CAMK1D: variants seen among roughly 807,000 people sequenced by gnomAD.
CAMK1D encodes calcium/calmodulin-dependent protein kinase type 1D.
In CAMK1D, 9 loss-of-function variants were observed where a neutral mutation model predicts 47.7. The ratio of observed to expected loss-of-function variants is 0.19; its 90% CI spans 0.11 to 0.33. CAMK1D has a LOEUF of 0.33. CAMK1D is among the 10% of genes least tolerant of loss of function. The pLI, the probability that CAMK1D is intolerant of heterozygous loss-of-function variation, is 1.00. For synonymous variants in CAMK1D, 184 were observed against 184.9 expected, an observed-to-expected ratio of 0.99 and a Z score of 0.04; for missense variants, 291 against 488.7, an observed-to-expected ratio of 0.60 and a Z score of 3.81.
intron 1 of CAMK1D, among the ~76,000 whole-genome samples, chr10:12,525,698 C>CTAT (rs1291226882): frequency 6.6e-6 from 1 of 151,978 alleles, no homozygotes; most frequent in Admixed American, 6.6e-5. Flanking sequence ...GGGTTGGCAT[C>CTAT]TATTGATTGT....
At chr10:12,682,362 A>G (rs1019837861) in intron 3 of CAMK1D, among the ~76,000 whole-genome samples, 5 of 152,254 alleles carry the variant, frequency 3.3e-5, no homozygotes, top group Non-Finnish European at 5.9e-5. Context: ...GAAAAGGCTG[A>G]TTATTTTGCA....
At chr10:12,757,186 A>G (rs1311777960) in intron 3 of CAMK1D, among the ~76,000 whole-genome samples, 1 of 152,018 alleles carries the variant, frequency 6.6e-6, no homozygotes, top group Non-Finnish European at 1.5e-5. Flanking sequence ...ACTGGAGTGC[A>G]GTGGTGCGAT....
chr10:12,439,020 C>T (rs1486391149), intron 1 of CAMK1D, among the ~76,000 whole-genome samples: 4 of 152,170 alleles, frequency 2.6e-5, no homozygotes, highest in African/African-American at 9.7e-5. Flanking sequence ...CTGTCTCTTC[C>T]TCTCCTGTTT....
intron 1 of CAMK1D, among the ~76,000 whole-genome samples, chr10:12,462,164 T>G (rs1407785300): frequency 1.4e-4 from 20 of 142,796 alleles, no homozygotes; most frequent in Non-Finnish European, 2.3e-4. Flanking sequence ...GAGTTTTTTT[T>G]TTTTTTTTTT....
intron 1 of CAMK1D, among the ~76,000 whole-genome samples, chr10:12,471,077 C>T (rs1041112692): frequency 2.6e-5 from 4 of 152,172 alleles, no homozygotes; most frequent in Non-Finnish European, 4.4e-5. Flanking sequence ...TTATTTTCCT[C>T]CATGCTTTTT....
intron 1 of CAMK1D, among the ~76,000 whole-genome samples, chr10:12,404,721 G>GTC (rs1017066876): frequency 3.3e-5 from 5 of 150,186 alleles, no homozygotes; most frequent in Non-Finnish European, 7.4e-5. Flanking sequence ...TTGAGATGGA[G>GTC]TCTCACTCTG....
At chr10:12,544,903 A>ACTAGTGTTGAGCGGAAGGTC (rs1402645253) in intron 1 of CAMK1D, among the ~76,000 whole-genome samples, 1 of 152,066 alleles carries the variant, frequency 6.6e-6, no homozygotes, top group Non-Finnish European at 1.5e-5. Context: ...AGTGGATGGT[A>ACTAGTGTTGAGCGGAAGGTC]CTAGTGTTGA....
intron 1 of CAMK1D, among the ~76,000 whole-genome samples, chr10:12,513,126 C>G (rs2132167838): frequency 6.6e-6 from 1 of 152,284 alleles, no homozygotes; most frequent in South Asian, 2.1e-4. Flanking sequence ...CTGCAGCTGC[C>G]TAGCCAGGTG....
rs540036424 is a variant in CAMK1D at position 12,365,689 on chromosome 10, C to T, written c.92+15779C>T. ...TGCTGACCTCGTGATCTGCCTGCCT[C>T]GGCCTCCCAAAGTGCTGGGATTACA... On this transcript the variant is annotated intron_variant, in intron 1 of 10. Transcript: ENST00000619168. Among the ~76,000 whole-genome samples, 25 of 151,762 alleles carry T rather than the reference C, an allele frequency of 1.6e-4. No homozygotes were observed. The East Asian group carries it at 3.4e-3, about 20-fold the overall frequency.
rs1290638257 is a variant in CAMK1D, at chr10:12,554,463, C to T, written c.224+1107C>T. 5.4e-5 allele frequency among the ~76,000 whole-genome samples: 7 copies of T among 130,540 alleles called. 2 individuals carry two copies. Among genetic ancestry groups the T allele is most frequent in the African/African-American group, 1.8e-4 (7 of 39,132 alleles). 85.6% of individuals were successfully genotyped at this position (130,540 alleles called of 152,430 possible). A position where few individuals can be genotyped will look rare whatever the true frequency, so the allele number is the denominator to read the frequency against. On this transcript the variant is annotated intron_variant, in intron 2 of 10. Transcript: ENST00000619168. ...AGCCACTGCGCCTGGCCAAGATTTT[C>T]ATTTATTTCTATTACACATGGGGAG... is the stretch of plus-strand genomic sequence containing the variant.
chr10:12,552,272 CA>C (rs1588624738), intron 1 of CAMK1D, among the ~76,000 whole-genome samples: 2 of 152,206 alleles, frequency 1.3e-5, no homozygotes, highest in East Asian at 3.8e-4. Flanking sequence ...TATTTTCAGG[CA>C]GGACAGTCTT....
intron 1 of CAMK1D, among the ~76,000 whole-genome samples, chr10:12,445,764 T>C (rs956527273): frequency 6.6e-6 from 1 of 152,226 alleles, no homozygotes; most frequent in Non-Finnish European, 1.5e-5. Flanking sequence ...TTGTTTTTAT[T>C]GTTAGTATAA....
At chr10:12,350,093 G>C (rs986840069) in intron 1 of CAMK1D, among the ~76,000 whole-genome samples, 183 bp downstream of exon 1, 4 of 151,890 alleles carry the variant, frequency 2.6e-5, no homozygotes, top group African/African-American at 9.7e-5. Flanking sequence ...TGCGACCCCC[G>C]GGTGGGCGCC....
chr10:12,682,855 T>A (rs1453283411), intron 3 of CAMK1D, among the ~76,000 whole-genome samples: 7 of 109,930 alleles, frequency 6.4e-5, no homozygotes, highest in African/African-American at 2.0e-4. Context: ...AGTTAAATTT[T>A]TTTTTGCTTT....
At chr10:12,662,525 G>A (rs137869524) in intron 2 of CAMK1D, among the ~76,000 whole-genome samples, 212 of 152,200 alleles carry the variant, frequency 1.4e-3, no homozygotes, top group African/African-American at 4.7e-3. Flanking sequence ...GGTGGCGGGC[G>A]CCTGTGGTCC....
intron 5 of CAMK1D, among the ~76,000 whole-genome samples, chr10:12,774,911 G>A (rs571355898): frequency 6.6e-6 from 1 of 152,402 alleles, no homozygotes; most frequent in South Asian, 2.1e-4. Flanking sequence ...TGTCTTCCGT[G>A]AAACGGGTTC....
intron 2 of CAMK1D, among the ~76,000 whole-genome samples, chr10:12,557,079 C>T (rs144042463): frequency 2.8e-4 from 42 of 152,202 alleles, no homozygotes; most frequent in African/African-American, 9.6e-4. Flanking sequence ...GGATGATGAC[C>T]CCATTCACTG....
intron 4 of CAMK1D, among the ~76,000 whole-genome samples, chr10:12,763,835 T>C (rs1299955745): frequency 1.3e-5 from 2 of 152,214 alleles, no homozygotes; most frequent in Admixed American, 6.5e-5. Flanking sequence ...CCACCAGTTG[T>C]CTTGCAAAGA....
intron 3 of CAMK1D, among the ~76,000 whole-genome samples, chr10:12,682,080 C>T (rs1330012242): frequency 2.0e-5 from 3 of 152,076 alleles, no homozygotes; most frequent in African/African-American, 4.8e-5. Flanking sequence ...ATTAGGCAGG[C>T]GTGGTGTTGG....
Sources: gnomAD v4.1 joint callset for allele counts (sites outside exome capture counted in the v4.1 genomes callset) on GRCh38, gnomAD v4.1.1 for gene constraint, MANE v1.5 for transcripts, NCBI Gene and HGNC (gene_info 2026-07-23, HGNC 2026-07-21) for gene names.